PLCH2: variants seen among roughly 807,000 people sequenced by gnomAD.
PLCH2 encodes the protein phospholipase C eta 2.
Under a neutral mutation model 134.7 loss-of-function variants are expected in PLCH2, and 98 were observed. That is an observed-to-expected ratio of 0.73 (90% CI 0.62 to 0.86). PLCH2 has a LOEUF of 0.86. Among genes scored for constraint, PLCH2 ranks in the 40% least tolerant of loss-of-function variants. The probability of loss-of-function intolerance (pLI) is 0.00; values close to 1 mark genes in which losing one functional copy is unlikely to be tolerated. For synonymous variants in PLCH2, 974 were observed against 827.5 expected (o/e 1.18, Z -3.04); for missense variants, 1,994 against 1,986.6 (o/e 1.00, Z -0.07).
rs746300516 is a variant in PLCH2 at position 2,504,598 on chromosome 1, G to T, written c.3636G>T (p.Arg1212=). 2.5e-6 allele frequency: 4 copies of T among 1,612,726 alleles called. No homozygotes were observed. The Admixed American group carries it at 6.7e-5, about 27-fold the overall frequency. The part of the protein sequence containing the change: ...SNPNLRATGQ[R]PPIPDELQPR... ...CCAACCTTCGGGCTACAGGCCAGCGGCCTCCCATACCTGACGAACTGCAGC... is the reference window on the plus strand; with the variant it reads ...CCAACCTTCGGGCTACAGGCCAGCGTCCTCCCATACCTGACGAACTGCAGC... Residue 1212 remains arginine, a synonymous_variant, in exon 22 of 22, where the codon CGG becomes CGT. Coordinates refer to ENST00000378486, the MANE Select transcript of PLCH2 (RefSeq NM_014638.4).
At chr1:2,424,227 T>G (rs1638659570), upstream of PLCH2, among the ~76,000 whole-genome samples, 1 of 152,228 alleles carries the variant, frequency 6.6e-6, no homozygotes, top group South Asian at 2.1e-4. Context: ...ACATTTGACA[T>G]GTACTCTTAG....
rs1299017061 is a variant in PLCH2 at position 2,443,893 on chromosome 1, C to T, written c.115+13264C>T. Among the ~76,000 whole-genome samples the T allele has an allele frequency of 6.1e-4, 92 of 151,282 alleles. 1 individual carries two copies. In the East Asian group the frequency reaches 0.016, roughly 27 times the overall value. Reference sequence around the variant, plus strand: ...CTGACTGCGCCTCCCGGCCCGCAGCCCCCGCCCCCGCCGCCCTCGCTGCCC... The same window carrying T: ...CTGACTGCGCCTCCCGGCCCGCAGCTCCCGCCCCCGCCGCCCTCGCTGCCC... On this transcript the variant is annotated intron_variant, in intron 2 of 3. Transcript: ENST00000609981.
intron 1 of PLCH2, among the ~76,000 whole-genome samples, chr1:2,430,096 AG>A (rs1185671890): frequency 2.6e-5 from 4 of 152,104 alleles, no homozygotes; most frequent in Non-Finnish European, 1.5e-5. Flanking sequence ...TTGGGGTTTC[AG>A]GGCAGGGTCC....
upstream of PLCH2, among the ~76,000 whole-genome samples, chr1:2,421,713 C>T (rs1222164342): frequency 1.3e-5 from 2 of 151,880 alleles, no homozygotes; most frequent in East Asian, 3.9e-4. Flanking sequence ...GTGGTTCACA[C>T]CTGTAATCCC....
At chr1:2,467,831 G>A (rs1333962553) in intron 1 of PLCH2, among the ~76,000 whole-genome samples, 3 of 152,120 alleles carry the variant, frequency 2.0e-5, no homozygotes, top group Non-Finnish European at 4.4e-5. Context: ...CCGGGAGCAC[G>A]GCCCAATGAC....
chr1:2,494,896 G>A lies in PLCH2; in HGVS notation c.1700G>A (p.Gly567Glu), dbSNP rs1467860968. The A allele has an allele frequency of 6.2e-7, 1 of 1,606,846 alleles. No homozygotes were observed. Among genetic ancestry groups the A allele is most frequent in the East Asian group, 2.2e-5 (1 of 44,672 alleles). ...EEDVESGEDAGASRRNGRLVV... is the reference protein window; with the variant it reads ...EEDVESGEDAEASRRNGRLVV... ...GACGTGGAGTCTGGGGAGGATGCCG[G>A]GGCCAGCAGACGCAATGGCCGCCTC... is the stretch of plus-strand genomic sequence containing the variant. The change falls in exon 12 of 22, where the codon GGG becomes GAG. Residue 567 changes from glycine to glutamate, a missense_variant. Around this residue, in one of 2 missense-constraint regions of PLCH2, gnomAD observed 1,094 missense variants for 1,234.3 expected, o/e 0.89. Coordinates refer to ENST00000378486, the MANE Select transcript of PLCH2 (RefSeq NM_014638.4).
intron 10 of PLCH2, among the ~76,000 whole-genome samples, chr1:2,490,583 G>A (rs1457596860): frequency 6.6e-6 from 1 of 152,206 alleles, no homozygotes; most frequent in East Asian, 1.9e-4. Flanking sequence ...TAATTGTGCA[G>A]CGTGCTCCTG....
intron 11 of PLCH2, 50 bp downstream of exon 11, chr1:2,491,385 G>A (rs752192954): frequency 3.2e-5 from 51 of 1,588,022 alleles, no homozygotes; most frequent in Non-Finnish European, 4.3e-5. Flanking sequence ...CCCCCCGACA[G>A]CCAGCCTGTG....
the PLCH2 span, among the ~76,000 whole-genome samples, chr1:2,416,082 C>T: frequency 2.0e-5 from 3 of 152,252 alleles, no homozygotes; most frequent in Non-Finnish European, 4.4e-5. Context: ...GACGCACCAG[C>T]AGGTGCTGCC....
chr1:2,487,449 C>A, intron 7 of PLCH2, 73 bp downstream of exon 7: 1 of 1,495,536 alleles, frequency 6.7e-7, no homozygotes, highest in Admixed American at 1.9e-5. Flanking sequence ...CTGAGGAGCC[C>A]CCGGGGGGAT....
chr1:2,464,398 A>T (rs1195555175), upstream of PLCH2, among the ~76,000 whole-genome samples: 1 of 152,180 alleles, frequency 6.6e-6, no homozygotes, highest in Non-Finnish European at 1.5e-5. Context: ...TGGAGTGCTT[A>T]TCTGGCCCCT....
intron 2 of PLCH2, among the ~76,000 whole-genome samples, chr1:2,432,556 C>T (rs1206808496): frequency 2.0e-5 from 3 of 152,186 alleles, no homozygotes; most frequent in Admixed American, 1.3e-4. Context: ...CTGCTGGGCA[C>T]GTGGCCGGGC....
chr1:2,484,587 GCCTGCAGCGCTT>G lies in PLCH2; in HGVS notation c.793_804del (p.Arg265_Gln268del). The G allele has an allele frequency of 6.2e-7, 1 of 1,612,738 alleles. No homozygotes were observed. The highest frequency in any genetic ancestry group is 8.5e-7 in the Non-Finnish European group (1 of 1,179,804). ...CACAAGGACCACCTGGATGCCGCCAGCCTGCAGCGCTTCCTGCAGGTGGAGCAGAAGGTGTGC... is the reference window on the plus strand; with the variant it reads ...CACAAGGACCACCTGGATGCCGCCAGCCTGCAGGTGGAGCAGAAGGTGTGC... On this transcript the variant is annotated inframe_deletion, in exon 5 of 22. Coordinates refer to ENST00000378486, the MANE Select transcript of PLCH2 (RefSeq NM_014638.4).
chr1:2,422,129 C>A (rs1191834969), upstream of PLCH2, among the ~76,000 whole-genome samples: 1 of 152,044 alleles, frequency 6.6e-6, no homozygotes, highest in Non-Finnish European at 1.5e-5. Context: ...ATTAGCCGGG[C>A]ATGGTGGCAG....
At chr1:2,491,678 A>G (rs952680901) in intron 11 of PLCH2, among the ~76,000 whole-genome samples, 1 of 152,128 alleles carries the variant, frequency 6.6e-6, no homozygotes, top group Admixed American at 6.5e-5. Context: ...GGCAGACACA[A>G]TGGAGTGTGT....
At position 2,478,541 on chromosome 1, in the gene PLCH2, G is replaced by A; in HGVS notation, c.190G>A (p.Gly64Ser). The change falls in exon 2 of 22, where the codon GGC becomes AGC. Residue 64 changes from glycine (G) to serine (S), a missense_variant. Physicochemically the swap from Gly to Ser is moderately conservative, Grantham distance 56 (BLOSUM62 0). Around this residue, in one of 2 missense-constraint regions of PLCH2, gnomAD observed 1,094 missense variants for 1,234.3 expected, o/e 0.89. Coordinates refer to ENST00000378486, the MANE Select transcript of PLCH2 (RefSeq NM_014638.4). The stretch of plus-strand genomic sequence containing the variant: ...GGTGAAGCTGCGTGGCGGCTCCAAG[G>A]GCCTGGTCCGCTTCTACTACCTGGA... ...QMVKLRGGSK[G>S]LVRFYYLDEH... 6.2e-7 allele frequency: 1 copy of A among 1,612,874 alleles called. No homozygotes were observed. Among genetic ancestry groups the A allele is most frequent in the Non-Finnish European group, 8.5e-7 (1 of 1,179,798 alleles).
At chr1:2,449,330 A>C (rs1222802374) in intron 2 of PLCH2, among the ~76,000 whole-genome samples, 1 of 152,142 alleles carries the variant, frequency 6.6e-6, no homozygotes, top group Non-Finnish European at 1.5e-5. Flanking sequence ...GTCTCTACTC[A>C]AAATACAAAA....
chr1:2,447,194 A>G (rs940013337), intron 2 of PLCH2, among the ~76,000 whole-genome samples: 20 of 152,326 alleles, frequency 1.3e-4, no homozygotes, highest in African/African-American at 4.8e-4. Context: ...GCCAGGCTTG[A>G]TGGCAGAAAC....
intron 11 of PLCH2, among the ~76,000 whole-genome samples, 191 bp from the exon 12 acceptor site, chr1:2,494,665 C>T (rs926234234): frequency 2.0e-5 from 3 of 152,190 alleles, no homozygotes; most frequent in Admixed American, 2.0e-4. Flanking sequence ...CCAGGGTGGA[C>T]TGGGAACGGC....
Sources: gnomAD v4.1 joint callset for allele counts (sites outside exome capture counted in the v4.1 genomes callset) on GRCh38, gnomAD v4.1.1 for gene constraint, gnomAD v4.1.1 regional missense constraint, MANE v1.5 for transcripts, NCBI Gene and HGNC (gene_info 2026-07-23, HGNC 2026-07-21) for gene names.